The following FRMPD4 variants were observed in gnomAD, a reference collection of about 807,000 sequenced individuals.
FRMPD4 encodes FERM and PDZ domain containing 4.
Under a neutral mutation model 94.1 loss-of-function variants are expected in FRMPD4, and 22 were observed. The ratio of observed to expected loss-of-function variants is 0.23; its 90% CI spans 0.17 to 0.33. The LOEUF is 0.33. Among genes scored for constraint, FRMPD4 ranks in the 10% least tolerant of loss-of-function variants. The probability of loss-of-function intolerance (pLI) is 1.00; values close to 1 mark genes in which losing one functional copy is unlikely to be tolerated. For synonymous variants in FRMPD4, 631 were observed against 548.6 expected (o/e 1.15, Z -2.10); for missense variants, 1,111 against 1,339.9 (o/e 0.83, Z 2.67).
At position 12,644,066 on chromosome X, in the gene FRMPD4, C is replaced by CT. The variant is rs781752760; in HGVS notation, c.422+29195dup. On this transcript the variant is annotated intron_variant, in intron 4 of 16. Transcript: ENST00000675598. ...AAGCATGAGCTAATTTTGAGCTCAT[C>CT]TTTTTTTTTTCTTTTTTCTTTGAGA... 3.3e-3 allele frequency among the ~76,000 whole-genome samples: 353 copies of CT among 107,930 alleles called. 1 individual carries two copies. The highest frequency in any genetic ancestry group is 5.6e-3 in the Non-Finnish European group (289 of 51,594). The allele number at this position is 107,930 out of a possible 115,157, so 93.7% of individuals were successfully genotyped here.
intron 3 of FRMPD4, among the ~76,000 whole-genome samples, chrX:11,996,780 G>A (rs370722131): frequency 8.9e-6 from 1 of 111,873 alleles, no homozygotes; most frequent in East Asian, 2.8e-4. Context: ...GGAGGCAAGA[G>A]AATATAGAAA....
chrX:11,964,220 C>T lies in FRMPD4; in HGVS notation c.95+86202C>T, dbSNP rs770455204. ...TGTCGCCCAGGTAGGAGTGTGGTGG[C>T]GCAATCTCGGCTCACTGCAAGTTCC... On this transcript the variant is annotated intron_variant, in intron 3 of 18. Coordinates refer to the FRMPD4 transcript ENST00000640291. 4.6e-5 allele frequency among the ~76,000 whole-genome samples: 5 copies of T among 109,645 alleles called. No individual in the cohort carries two copies. In the South Asian group the frequency reaches 1.6e-3, roughly 35 times the overall value.
chrX:12,500,273 T>C (rs1312888436), intron 2 of FRMPD4, among the ~76,000 whole-genome samples: 1 of 111,760 alleles, frequency 8.9e-6, no homozygotes, highest in Non-Finnish European at 1.9e-5. Flanking sequence ...ATGGACTGAT[T>C]AGCCAAACAC....
intron 1 of FRMPD4, among the ~76,000 whole-genome samples, chrX:12,219,831 G>A (rs751477213): frequency 4.3e-4 from 48 of 111,972 alleles, no homozygotes; most frequent in Non-Finnish European, 7.7e-4. Flanking sequence ...AGTTAGGTTA[G>A]GCTATGCTGC....
At chrX:12,196,845 G>A (rs998270794) in intron 1 of FRMPD4, among the ~76,000 whole-genome samples, 1 of 109,381 alleles carries the variant, frequency 9.1e-6, no homozygotes, top group Non-Finnish European at 1.9e-5. Flanking sequence ...ATTTGACTGC[G>A]TGTTTCTTTC....
At chrX:12,232,774 G>A (rs1453891378) in intron 1 of FRMPD4, among the ~76,000 whole-genome samples, 4 of 111,566 alleles carry the variant, frequency 3.6e-5, no homozygotes, top group Non-Finnish European at 3.8e-5. Flanking sequence ...TTATACTTAC[G>A]CACCATATAA....
intron 4 of FRMPD4, among the ~76,000 whole-genome samples, chrX:12,649,237 G>A (rs144175532): frequency 8.9e-6 from 1 of 112,060 alleles, no homozygotes; most frequent in South Asian, 3.8e-4. Context: ...TGGGGACAGA[G>A]AGAGGAGCAG....
intron 8 of FRMPD4, 35 bp downstream of exon 8, chrX:12,690,361 C>A (rs565777594): frequency 8.6e-7 from 1 of 1,164,820 alleles, no homozygotes. Flanking sequence ...GATGAGGCTG[C>A]AGGTTAGAGC....
chrX:12,595,382 A>G (rs1248533930), intron 2 of FRMPD4, among the ~76,000 whole-genome samples: 5 of 111,813 alleles, frequency 4.5e-5, no homozygotes, highest in African/African-American at 1.6e-4. Flanking sequence ...AATGAATACT[A>G]TTATGACAAG....
At chrX:11,848,232 C>T (rs1347785534) in intron 1 of FRMPD4, among the ~76,000 whole-genome samples, 1 of 110,383 alleles carries the variant, frequency 9.1e-6, no homozygotes, top group Admixed American at 9.7e-5. Flanking sequence ...TGTTTAGTAA[C>T]TTGCCTGCAG....
intron 1 of FRMPD4, among the ~76,000 whole-genome samples, chrX:12,347,368 G>C (rs1488531317): frequency 1.8e-5 from 2 of 110,473 alleles, no homozygotes; most frequent in Admixed American, 9.7e-5. Flanking sequence ...CTCTCAAGTA[G>C]CTAGGTCTAC....
At chrX:12,382,451 C>T (rs1157005442) in intron 1 of FRMPD4, among the ~76,000 whole-genome samples, 1 of 106,437 alleles carries the variant, frequency 9.4e-6, no homozygotes. Flanking sequence ...GGGCTTTTCT[C>T]ACCTACACTT....
intron 3 of FRMPD4, among the ~76,000 whole-genome samples, chrX:11,983,189 T>C (rs1239471538): frequency 8.9e-6 from 1 of 112,185 alleles, no homozygotes; most frequent in Non-Finnish European, 1.9e-5. Flanking sequence ...CTTAAGGGAA[T>C]TGTTTTATCC....
chrX:12,320,281 G>A (rs773361756), intron 1 of FRMPD4, among the ~76,000 whole-genome samples: 23 of 111,432 alleles, frequency 2.1e-4, no homozygotes, highest in South Asian at 3.8e-4. Context: ...ACAAATGAGG[G>A]AAATGAGGCA....
rs760196062 is a variant in FRMPD4 at position 12,451,318 on chromosome X, T to C, written c.42-47362T>C. Among the ~76,000 whole-genome samples, 4 of 112,044 alleles carry C rather than the reference T, an allele frequency of 3.6e-5. No homozygotes were observed. The South Asian group carries it at 1.5e-3, about 42-fold the overall frequency. On this transcript the variant is annotated intron_variant, in intron 1 of 16. Transcript: ENST00000675598. ...AATGAACAGATAATTAATGACACTTTCCTCTTTTTCAGACAATACCCAATT... is the reference window on the plus strand; with the variant it reads ...AATGAACAGATAATTAATGACACTTCCCTCTTTTTCAGACAATACCCAATT...
At chrX:12,678,031 T>A (rs1426766706) in intron 5 of FRMPD4, among the ~76,000 whole-genome samples, 2 of 112,284 alleles carry the variant, frequency 1.8e-5, no homozygotes, top group Non-Finnish European at 3.8e-5. Flanking sequence ...AGTGTAAACA[T>A]TTTGACCTAT....
Position 12,699,854 on chromosome X carries a change from T to C in FRMPD4, c.934-2020T>C, listed in dbSNP as rs58983335. On this transcript the variant is annotated intron_variant, in intron 9 of 16. Coordinates refer to ENST00000675598, the MANE Select transcript of FRMPD4 (RefSeq NM_001368397.1). Reference sequence around the variant, plus strand: ...CAAAGTATGGATAGCCATGTAGAAATAGGATTGGACTAAAAGGGCCTGACC... The same window carrying C: ...CAAAGTATGGATAGCCATGTAGAAACAGGATTGGACTAAAAGGGCCTGACC... Among the ~76,000 whole-genome samples the C allele has an allele frequency of 4.5e-3, 498 of 111,848 alleles. 6 individuals are homozygous for C. The highest frequency in any genetic ancestry group is 0.016 in the African/African-American group (477 of 30,559).
At chrX:12,524,804 A>G (rs1481466983) in intron 2 of FRMPD4, among the ~76,000 whole-genome samples, 3 of 111,467 alleles carry the variant, frequency 2.7e-5, no homozygotes, top group Non-Finnish European at 3.8e-5. Flanking sequence ...GAGAACCTGC[A>G]TTGAGAAATG....
rs1277751974 is a variant in FRMPD4 at position 12,716,413 on chromosome X, T to A, written c.1954T>A (p.Ser652Thr). 5 of 1,207,653 alleles carry A rather than the reference T, an allele frequency of 4.1e-6. No individual in the cohort carries two copies. Among genetic ancestry groups the A allele is most frequent in the Non-Finnish European group, 5.6e-6 (5 of 893,692 alleles). The change falls in exon 15 of 17, where the codon TCC becomes ACC. Residue 652 changes from serine (S) to threonine (T), a missense_variant. This residue lies in a region of FRMPD4 where 192 missense variants were observed against 192.5 expected (regional missense o/e 1.00). Coordinates refer to ENST00000675598, the MANE Select transcript of FRMPD4 (RefSeq NM_001368397.1). ...AQESPRGAKV[S>T]FIFGDFALDD... is the part of the protein sequence containing the mutation. The stretch of plus-strand genomic sequence containing the variant: ...GGAATCTCCGAGAGGAGCTAAAGTG[T>A]CCTTTATTTTTGGAGACTTCGCCTT...
Sources: allele counts gnomAD v4.1 joint callset (sites outside exome capture counted in the v4.1 genomes callset), GRCh38; gene constraint gnomAD v4.1.1; regional missense constraint gnomAD v4.1.1; transcripts MANE v1.5; gene names NCBI Gene and HGNC (gene_info 2026-07-23, HGNC 2026-07-21).